NEB: variants seen among roughly 807,000 people sequenced by gnomAD.
NEB encodes the protein nemaline myopathy type 2.
Under a neutral mutation model 952.2 loss-of-function variants are expected in NEB, and 512 were observed. The observed-to-expected ratio is 0.54, with a 90% CI of 0.50 to 0.58. NEB has a LOEUF of 0.58. NEB is among the 20% of genes least tolerant of loss of function. NEB has a pLI of 0.00. For missense variants in NEB, 8,428 were observed against 9,231.1 expected (o/e 0.91, Z 3.56); for synonymous variants, 2,900 against 3,149.8 (o/e 0.92, Z 2.66).
intron 151 of NEB, 38 bp from the exon 152 acceptor site, chr2:151,524,654 CTTTTTTTTTTT>C (rs5835371): frequency 8.9e-5 from 23 of 257,378 alleles, no homozygotes; most frequent in Middle Eastern, 1.5e-3. Context: ...AAGAGAGAGG[CTTTTTTTTTTT>C]TTTTTTTTTT....
rs770398302 is a variant in NEB at position 151,614,551 on chromosome 2, G to A, written c.11326C>T (p.His3776Tyr). The change falls in exon 77 of 182, where the codon CAC becomes TAC. Residue 3776 changes from histidine to tyrosine, a missense_variant. Physicochemically the swap from His to Tyr is moderately conservative, Grantham distance 83 (BLOSUM62 2). Coordinates refer to ENST00000397345, the MANE Select transcript of NEB (RefSeq NM_001164508.2). Reference sequence around the variant, plus strand: ...TTAATGTTCCGGGCCCCAATATGGTGGCCAAGCTGTTTGCGGTAGCCTTCC... The same window carrying A: ...TTAATGTTCCGGGCCCCAATATGGTAGCCAAGCTGTTTGCGGTAGCCTTCC... Reference protein sequence around the residue: ...YKEGYRKQLGHHIGARNIKDD... With the variant: ...YKEGYRKQLGYHIGARNIKDD... The A allele has an allele frequency of 1.9e-6, 3 of 1,613,776 alleles. No individual in the cohort carries two copies. Among genetic ancestry groups the A allele is most frequent in the Non-Finnish European group, 2.5e-6 (3 of 1,179,788 alleles).
Position 151,640,038 on chromosome 2 carries a change from T to C in NEB, c.8708A>G (p.Gln2903Arg). ...CACCCAGCCAATGCCTCTCATCCAC[T>C]GGAGATCAGACTTGTACATATTCTG... ...QSDNMYKSDLQWMRGIGWVSI... is the reference protein window; with the variant it reads ...QSDNMYKSDLRWMRGIGWVSI... The change falls in exon 62 of 182, where the codon CAG becomes CGG. Residue 2903 changes from glutamine to arginine, a missense_variant. Physicochemically the swap from Gln to Arg is conservative, Grantham distance 43. Coordinates refer to ENST00000397345, the MANE Select transcript of NEB (RefSeq NM_001164508.2). 6.2e-7 allele frequency: 1 copy of C among 1,613,802 alleles called. No individual in the cohort carries two copies.
At position 151,639,882 on chromosome 2, in the gene NEB, T is replaced by C. The variant is rs760903716; in HGVS notation, c.8864A>G (p.Lys2955Arg). 9.5e-5 allele frequency: 153 copies of C among 1,613,714 alleles called. No homozygotes were observed. The highest frequency in any genetic ancestry group is 1.2e-4 in the Non-Finnish European group (141 of 1,179,788). Residue 2955 changes from lysine to arginine, a missense_variant, in exon 62 of 182, where the codon AAA becomes AGA. Physicochemically the swap from Lys to Arg is conservative, Grantham distance 26. Coordinates refer to ENST00000397345, the MANE Select transcript of NEB (RefSeq NM_001164508.2). ...CTTGTTCATAGTGATGGCATTATTTTTGGCCAACACTTGTTCCAGAGAGTC... is the reference window on the plus strand; with the variant it reads ...CTTGTTCATAGTGATGGCATTATTTCTGGCCAACACTTGTTCCAGAGAGTC... ...VTDSLEQVLAKNNAITMNKRL... is the reference protein window; with the variant it reads ...VTDSLEQVLARNNAITMNKRL...
chr2:151,563,318 G>A (rs2096203130), intron 119 of NEB, among the ~76,000 whole-genome samples: 1 of 151,994 alleles, frequency 6.6e-6, no homozygotes, highest in South Asian at 2.1e-4. Context: ...CTGGCCTGAA[G>A]TTTTCCATCC....
At position 151,629,524 on chromosome 2, in the gene NEB, G is replaced by T; in HGVS notation, c.9831+15C>A. 1.3e-6 allele frequency: 2 copies of T among 1,584,016 alleles called. No individual in the cohort carries two copies. Among genetic ancestry groups the T allele is most frequent in the South Asian group, 1.1e-5 (1 of 90,388 alleles). ...TTCATCCATCCATGTAAATATCTAG[G>T]GTGTTGCTACTCACATCACTGATAA... On this transcript the variant is annotated intron_variant, in intron 68 of 181. Transcript: ENST00000397345.
chr2:151,635,154 T>G (rs776777497), intron 64 of NEB, among the ~76,000 whole-genome samples: 13 of 152,092 alleles, frequency 8.5e-5, no homozygotes, highest in Non-Finnish European at 1.8e-4. Flanking sequence ...TTATGAAGAG[T>G]AAGTGAGACA....
chr2:151,724,597 C>T (rs2099784850), intron 7 of NEB, among the ~76,000 whole-genome samples: 1 of 152,214 alleles, frequency 6.6e-6, no homozygotes, highest in Admixed American at 6.5e-5. Flanking sequence ...TCTTTGGTGA[C>T]ACTGGGACTT....
intron 84 of NEB, among the ~76,000 whole-genome samples, chr2:151,605,599 G>A (rs112053477): frequency 0.11 from 13,710 of 121,082 alleles, 25 homozygotes; most frequent in African/African-American, 0.23. Context: ...ACATAGGCAA[G>A]TTTGAACAAA....
chr2:151,723,750 G>GTTTTTTTTTTTTTTTTTT (rs11308757), intron 8 of NEB, among the ~76,000 whole-genome samples: 13 of 51,358 alleles, frequency 2.5e-4, no homozygotes, highest in South Asian at 1.0e-3. Flanking sequence ...TGCCTTCTTT[G>GTTTTTTTTTTTTTTTTTT]TTTTTTTTTT....
intron 126 of NEB, 132 bp from the exon 127 acceptor site, chr2:151,553,634 C>T (rs139318997): frequency 1.2e-6 from 1 of 845,818 alleles, no homozygotes; most frequent in Admixed American, 2.7e-5. Flanking sequence ...CAAAGAGGCT[C>T]AGGGGAGCCA....
At position 151,609,803 on chromosome 2, in the gene NEB, A is replaced by G. The variant is rs773156642; in HGVS notation, c.12330+6T>C. On this transcript the variant is annotated splice_donor_region_variant and intron_variant, in intron 81 of 181. Transcript: ENST00000397345. Reference sequence around the variant, plus strand: ...TTCCCCCTTTCCCAAAATTCATGTTACGTACATCACTCTGCAGGTCATAGG... The same window carrying G: ...TTCCCCCTTTCCCAAAATTCATGTTGCGTACATCACTCTGCAGGTCATAGG... 1 of 1,558,798 alleles carries G rather than the reference A, an allele frequency of 6.4e-7. No individual in the cohort carries two copies. The highest frequency in any genetic ancestry group is 8.7e-7 in the Non-Finnish European group (1 of 1,153,890).
chr2:151,491,713 T>A lies in NEB; in HGVS notation c.25120A>T (p.Ile8374Phe). 1.3e-6 allele frequency: 2 copies of A among 1,598,046 alleles called. No individual in the cohort carries two copies. Among genetic ancestry groups the A allele is most frequent in the African/African-American group, 2.7e-5 (2 of 74,840 alleles). ...ATCATGTGTAAGCTTCGGGACTGGATGTTGTCTTCTGCTGGATCATAGTCA... is the reference window on the plus strand; with the variant it reads ...ATCATGTGTAAGCTTCGGGACTGGAAGTTGTCTTCTGCTGGATCATAGTCA... Reference protein sequence around the residue: ...VFDYDPAEDNIQSRSLHMINV... With the variant: ...VFDYDPAEDNFQSRSLHMINV... The change falls in exon 179 of 182, where the codon ATC becomes TTC. Residue 8374 changes from isoleucine (I) to phenylalanine (F), a missense_variant. This residue lies in a region of NEB where 3,374 missense variants were observed against 3,651.5 expected (regional missense o/e 0.92). Transcript: ENST00000397345.
intron 10 of NEB, among the ~76,000 whole-genome samples, chr2:151,715,543 C>T (rs2099756790): frequency 6.6e-6 from 1 of 152,176 alleles, no homozygotes; most frequent in African/African-American, 2.4e-5. Flanking sequence ...ATGAGATTAT[C>T]ATCCTTATAA....
chr2:151,649,716 A>G (rs2099009095), intron 54 of NEB, among the ~76,000 whole-genome samples: 1 of 152,230 alleles, frequency 6.6e-6, no homozygotes, highest in African/African-American at 2.4e-5. Flanking sequence ...AAGATGGAAT[A>G]GATACTTATT....
At chr2:151,683,102 TC>T (rs1220806195) in intron 28 of NEB, among the ~76,000 whole-genome samples, 2 of 152,216 alleles carry the variant, frequency 1.3e-5, no homozygotes, top group African/African-American at 4.8e-5. Flanking sequence ...AGACGTTTGT[TC>T]CCTGGAACTT....
rs148107832 is a variant in NEB at position 151,706,728 on chromosome 2, A to G, written c.1152+153T>C. 9.5e-3 allele frequency among the ~76,000 whole-genome samples: 1,451 copies of G among 152,300 alleles called. 21 individuals are homozygous for G. Among genetic ancestry groups the G allele is most frequent in the African/African-American group, 0.033 (1,384 of 41,548 alleles). On this transcript the variant is annotated intron_variant, in intron 13 of 181. Transcript: ENST00000397345. ...AGGCACATTGTACTCAGAGGGACTC[A>G]TGCCTTTCTGTGGTTACATAGTTCC...
intron 24 of NEB, chr2:151,690,522 A>G (rs1239902013): frequency 6.2e-6 from 3 of 482,486 alleles, no homozygotes; most frequent in Admixed American, 3.4e-5. Flanking sequence ...ATTAAAAAAT[A>G]TTTATTTTTA....
rs372803182 is a variant in NEB, at chr2:151,627,616, A to G, written c.10050T>C (p.Asp3350=). Residue 3350 remains aspartate, a synonymous_variant, in exon 69 of 182, where the codon GAT becomes GAC. Coordinates refer to ENST00000397345, the MANE Select transcript of NEB (RefSeq NM_001164508.2). ...LAKKCQTLVS[D]VDYKNYLHEW... is the part of the protein sequence containing the mutation. ...CGTGCAGGTAGTTCTTGTAGTCCACATCGCTGACTAAGGTCTGGCACTTCT... is the reference window on the plus strand; with the variant it reads ...CGTGCAGGTAGTTCTTGTAGTCCACGTCGCTGACTAAGGTCTGGCACTTCT... The G allele has an allele frequency of 5.0e-6, 8 of 1,613,884 alleles. No homozygotes were observed. The African/African-American group carries it at 8.0e-5, about 16-fold the overall frequency.
At chr2:151,640,192 C>A in intron 61 of NEB, 132 bp from the exon 62 acceptor site, 1 of 1,455,928 alleles carries the variant, frequency 6.9e-7, no homozygotes, top group East Asian at 2.3e-5. Flanking sequence ...CACAATATTC[C>A]TCTTTGGTCT....
Sources: gnomAD v4.1 joint callset for allele counts (sites outside exome capture counted in the v4.1 genomes callset) on GRCh38, gnomAD v4.1.1 for gene constraint, gnomAD v4.1.1 regional missense constraint, MANE v1.5 for transcripts, NCBI Gene and HGNC (gene_info 2026-07-23, HGNC 2026-07-21) for gene names.